FAT1: variants seen among roughly 807,000 people sequenced by gnomAD.
FAT1 encodes the protein protocadherin Fat 1.
In FAT1, 171 loss-of-function variants were observed where a neutral mutation model predicts 329.8. The observed-to-expected ratio is 0.52, with a 90% confidence interval of 0.46 to 0.59. FAT1 has a LOEUF of 0.59. Among genes scored for constraint, FAT1 ranks in the 20% least tolerant of loss-of-function variants. FAT1 has a pLI of 0.00. For missense variants in FAT1, 5,672 were observed against 5,774.4 expected (o/e 0.98, Z 0.57); for synonymous variants, 2,233 against 2,228.6 (o/e 1.00, Z -0.06).
intron 9 of FAT1, among the ~76,000 whole-genome samples, chr4:186,624,684 C>T (rs1740215082): frequency 6.6e-6 from 1 of 152,312 alleles, no homozygotes; most frequent in South Asian, 2.1e-4. Context: ...CAATTAATTG[C>T]TGCTAATTAA....
chr4:186,697,261 C>T (rs1317490233), intron 2 of FAT1, among the ~76,000 whole-genome samples: 1 of 152,146 alleles, frequency 6.6e-6, no homozygotes, highest in Non-Finnish European at 1.5e-5. Context: ...GTTTGAACTG[C>T]ACAGGCCCAT....
intron 7 of FAT1, among the ~76,000 whole-genome samples, chr4:186,631,720 C>G (rs1740605179): frequency 6.6e-6 from 1 of 152,018 alleles, no homozygotes; most frequent in Non-Finnish European, 1.5e-5. Context: ...CCTAGTGTCT[C>G]ACTGCCCAGG....
intron 2 of FAT1, among the ~76,000 whole-genome samples, chr4:186,670,523 A>G (rs1742680510): frequency 6.6e-6 from 1 of 152,202 alleles, no homozygotes; most frequent in Non-Finnish European, 1.5e-5. Context: ...CACACTAGAG[A>G]GCCAATATCT....
intron 2 of FAT1, among the ~76,000 whole-genome samples, chr4:186,704,321 C>T (rs192244027): frequency 3.3e-5 from 5 of 152,268 alleles, no homozygotes; most frequent in African/African-American, 1.2e-4. Context: ...TATTTTGGGA[C>T]ACCACCTCGT....
In FAT1 at chr4:186,663,440, C is replaced by G. The variant is rs1223399959; in HGVS notation, c.3439G>C (p.Glu1147Gln). 1 of 1,613,980 alleles carries G rather than the reference C, an allele frequency of 6.2e-7. No homozygotes were observed. The highest frequency in any genetic ancestry group is 8.5e-7 in the Non-Finnish European group (1 of 1,179,892). Residue 1147 changes from glutamate (E) to glutamine (Q), a missense_variant, in exon 3 of 27, where the codon GAA (glutamate) becomes CAA (glutamine). Physicochemically the swap from Glu to Gln is conservative, Grantham distance 29. This residue lies in a region of FAT1 where 3,966 missense variants were observed against 3,915.2 expected (regional missense o/e 1.01). Transcript: ENST00000441802. ...TCTTTAGGAGAATTTTCCATGATTT[C>G]TGGGTAATAAACAGGCTCTGATGTC... ...PQTSEPVYYP[E>Q]IMENSPKDVS...
At chr4:186,599,801 G>T in intron 22 of FAT1, 97 bp downstream of exon 22, 1 of 951,454 alleles carries the variant, frequency 1.1e-6, no homozygotes, top group Non-Finnish European at 1.6e-6. Flanking sequence ...AAAATTATCT[G>T]AATCAAAAGA....
rs147864814 is a variant in FAT1 at position 186,642,989 on chromosome 4, C to T, written c.3581-3206G>A. On this transcript the variant is annotated intron_variant, in intron 3 of 26. Coordinates refer to ENST00000441802, the MANE Select transcript of FAT1 (RefSeq NM_005245.4). ...TAGACCAGGAGAAGTATTACTTTTA[C>T]GAAGACGAGATTGTCTCACATGTAA... 1.1e-4 allele frequency among the ~76,000 whole-genome samples: 16 copies of T among 152,268 alleles called. No individual in the cohort carries two copies. In the East Asian group the frequency reaches 1.7e-3, roughly 17 times the overall value.
At chr4:186,660,967 C>T (rs1354609744) in intron 3 of FAT1, among the ~76,000 whole-genome samples, 3 of 152,182 alleles carry the variant, frequency 2.0e-5, no homozygotes, top group African/African-American at 4.8e-5. Context: ...CTTGCTTGCT[C>T]ATCTATCTCT....
chr4:186,662,915 C>T (rs150635460), intron 3 of FAT1, among the ~76,000 whole-genome samples: 5,627 of 152,076 alleles, frequency 0.037, 338 homozygotes, highest in African/African-American at 0.13. Flanking sequence ...CGGCTCACTG[C>T]AAGCTCCGCC....
rs761609848 is a variant in FAT1 at position 186,588,824 on chromosome 4, C to G, written c.13535G>C (p.Cys4512Ser). 1 of 1,613,988 alleles carries G rather than the reference C, an allele frequency of 6.2e-7. No individual in the cohort carries two copies. Among genetic ancestry groups the G allele is most frequent in the Non-Finnish European group, 8.5e-7 (1 of 1,179,900 alleles). Residue 4512 changes from cysteine (C) to serine (S), a missense_variant, in exon 27 of 27, where the codon TGT becomes TCT. Cys to Ser is a moderately radical substitution (Grantham distance 112). Transcript: ENST00000441802. ...CGGGTAAGGGGCATGGGGTTCTCTA[C>G]AAGTACTATTCTCACCAGTGCCTTT... ...QTKGTGENST[C>S]REPHAPYPPG...
Position 186,628,247 on chromosome 4 carries a change from C to T in FAT1, c.4717G>A (p.Glu1573Lys), listed in dbSNP as rs138797966. 6.2e-7 allele frequency: 1 copy of T among 1,613,930 alleles called. No homozygotes were observed. The highest frequency in any genetic ancestry group is 2.2e-5 in the East Asian group (1 of 44,876). The part of the protein sequence containing the change: ...TASSYKGRVY[E>K]SAAVGSVVLQ... ...ACAACTGAGCCAACGGCTGCCGATT[C>T]ATAAACCCGCCCTTTGTAGGAGGAA... Residue 1573 changes from glutamate to lysine, a missense_variant, in exon 9 of 27, where the codon GAA (glutamate) becomes AAA (lysine). This residue lies in a region of FAT1 where 3,966 missense variants were observed against 3,915.2 expected (regional missense o/e 1.01). Transcript: ENST00000441802.
In FAT1 at chr4:186,613,016, G is replaced by T. The variant is rs902882030; in HGVS notation, c.9463+93C>A. 3 of 748,458 alleles carry T rather than the reference G, an allele frequency of 4.0e-6. No homozygotes were observed. In the African/African-American group the frequency reaches 5.2e-5, roughly 13 times the overall value. The allele number at this position is 748,458 out of a possible 1,614,324, so 46.4% of individuals were successfully genotyped here. A position where few individuals can be genotyped will look rare whatever the true frequency, so the allele number is the denominator to read the frequency against. ...CTATGGAACATGCATGAGGTGGAGT[G>T]AGTGGCACAGGCTGAATCTGGGGTG... On this transcript the variant is annotated intron_variant, in intron 13 of 26. Transcript: ENST00000441802.
At chr4:186,650,950 G>C (rs1238508873) in intron 3 of FAT1, among the ~76,000 whole-genome samples, 1 of 151,522 alleles carries the variant, frequency 6.6e-6, no homozygotes, top group Non-Finnish European at 1.5e-5. Context: ...ACTGGTCCAG[G>C]GTCAACCAAC....
intron 23 of FAT1, 79 bp from the exon 24 acceptor site, chr4:186,597,871 A>G: frequency 6.4e-7 from 1 of 1,557,874 alleles, no homozygotes; most frequent in South Asian, 1.1e-5. Flanking sequence ...GCAAAACAGA[A>G]CACATTAGCA....
At chr4:186,630,353 C>T (rs1267657840) in intron 7 of FAT1, among the ~76,000 whole-genome samples, 4 of 151,984 alleles carry the variant, frequency 2.6e-5, no homozygotes, top group African/African-American at 4.8e-5. Flanking sequence ...AGCAGTGGGA[C>T]GGAACATCCT....
chr4:186,707,410 A>C lies in FAT1; in HGVS notation c.2418T>G (p.Arg806=), dbSNP rs1366618373. 2.5e-6 allele frequency: 4 copies of C among 1,614,012 alleles called. No homozygotes were observed. Among genetic ancestry groups the C allele is most frequent in the Admixed American group, 1.7e-5 (1 of 60,022 alleles). ...DLGIPQKAAW[R]LLHVVVVDAN... is the part of the protein sequence containing the mutation. ...CATCGACAACCACGACATGTAGAAG[A>C]CGCCACGCAGCCTTCTGGGGTATCC... The change falls in exon 2 of 27, where the codon CGT becomes CGG. Residue 806 remains arginine (R), a synonymous_variant. Transcript: ENST00000441802.
Position 186,676,288 on chromosome 4 carries a change from A to C in FAT1, c.3266-12675T>G, listed in dbSNP as rs1162850343. 8.6e-5 allele frequency among the ~76,000 whole-genome samples: 13 copies of C among 150,338 alleles called. No individual in the cohort carries two copies. The East Asian group carries it at 1.4e-3, about 16-fold the overall frequency. ...GTCAATTCATTTTGTGAAAAAAAAA[A>C]ACAAAAAAAAACAGGGAGAAGAGGA... On this transcript the variant is annotated intron_variant, in intron 2 of 26. Coordinates refer to ENST00000441802, the MANE Select transcript of FAT1 (RefSeq NM_005245.4).
At chr4:186,631,020 C>T (rs1046930258) in intron 7 of FAT1, among the ~76,000 whole-genome samples, 6 of 152,160 alleles carry the variant, frequency 3.9e-5, no homozygotes, top group African/African-American at 1.2e-4. Context: ...GAGCTGTTTC[C>T]GCAGGGCACT....
chr4:186,705,350 T>A (rs1314096776), intron 2 of FAT1, among the ~76,000 whole-genome samples: 1 of 152,200 alleles, frequency 6.6e-6, no homozygotes, highest in East Asian at 1.9e-4. Context: ...CTTGTTTTTT[T>A]GTGTGTGTGG....
Sources: allele counts gnomAD v4.1 joint callset (sites outside exome capture counted in the v4.1 genomes callset), GRCh38; gene constraint gnomAD v4.1.1; regional missense constraint gnomAD v4.1.1; transcripts MANE v1.5; gene names NCBI Gene and HGNC (gene_info 2026-07-23, HGNC 2026-07-21).